ZSCAN5A: variants seen among roughly 807,000 people sequenced by gnomAD.
ZSCAN5A encodes the protein zinc finger and SCAN domain-containing protein 5A.
ZSCAN5A carries 12 observed loss-of-function variants against 23.7 expected under a neutral mutation model. The ratio of observed to expected loss-of-function variants is 0.51; its 90% CI spans 0.32 to 0.82. The LOEUF (loss-of-function observed/expected upper bound fraction) is 0.82, where lower values mean the gene tolerates loss of function less well. ZSCAN5A is among the 40% of genes least tolerant of loss of function. The probability of loss-of-function intolerance (pLI) is 0.03; values close to 1 mark genes in which losing one functional copy is unlikely to be tolerated. For synonymous variants in ZSCAN5A, 257 were observed against 239.9 expected, an observed-to-expected ratio of 1.07 and a Z score of -0.66; for missense variants, 597 against 617.9, an observed-to-expected ratio of 0.97 and a Z score of 0.36.
intron 2 of ZSCAN5A, chr19:56,246,629 T>A (rs910934032): frequency 1.4e-6 from 1 of 711,676 alleles, no homozygotes; most frequent in African/African-American, 1.8e-5. Flanking sequence ...AGGTTTAAGG[T>A]TGAGGGGAAG....
intron 2 of ZSCAN5A, among the ~76,000 whole-genome samples, chr19:56,346,366 A>G (rs2041633165): frequency 6.6e-6 from 1 of 152,126 alleles, no homozygotes; most frequent in African/African-American, 2.4e-5. Flanking sequence ...TCAGTTACTT[A>G]TCTAGGGATC....
At chr19:56,341,870 G>A (rs1600294354) in intron 2 of ZSCAN5A, among the ~76,000 whole-genome samples, 1 of 152,162 alleles carries the variant, frequency 6.6e-6, no homozygotes, top group South Asian at 2.1e-4. Context: ...AAAATGAGTT[G>A]AAGGAGAGTG....
At chr19:56,304,447 GGA>G (rs1464879382) in intron 2 of ZSCAN5A, among the ~76,000 whole-genome samples, 1 of 152,206 alleles carries the variant, frequency 6.6e-6, no homozygotes, top group Non-Finnish European at 1.5e-5. Flanking sequence ...CAGAGGCCAG[GGA>G]GGCCACTCAA....
rs2041676335 is a variant in ZSCAN5A at position 56,352,821 on chromosome 19, A to G, written c.-358+10414T>C. On this transcript the variant is annotated intron_variant, in intron 2 of 6. Coordinates refer to the ZSCAN5A transcript ENST00000587340. This position sits in a 1 kb window ranked among gnomAD's most constrained non-coding sequence, Gnocchi z 4.2. ...CAACACAGTTTCAACACAGATGTCC[A>G]AAGTCCAGGCCTAGTCAGGAAGAGG... is the stretch of plus-strand genomic sequence containing the variant. Among the ~76,000 whole-genome samples, 1 of 152,250 alleles carries G rather than the reference A, an allele frequency of 6.6e-6. No homozygotes were observed. The highest frequency in any genetic ancestry group is 1.5e-5 in the Non-Finnish European group (1 of 68,050).
intron 2 of ZSCAN5A, among the ~76,000 whole-genome samples, chr19:56,250,125 G>A (rs2036236475): frequency 6.6e-6 from 1 of 152,176 alleles, no homozygotes; most frequent in Non-Finnish European, 1.5e-5. Flanking sequence ...ATTTTGAAAG[G>A]TAAGGGCAGA....
At chr19:56,223,094 G>A (rs999307460) in intron 4 of ZSCAN5A, among the ~76,000 whole-genome samples, 1 of 152,116 alleles carries the variant, frequency 6.6e-6, no homozygotes, top group Admixed American at 6.5e-5. Flanking sequence ...ACTGGCATTG[G>A]GGCTGCATCA....
At chr19:56,346,040 CTA>C (rs1433744887) in intron 2 of ZSCAN5A, among the ~76,000 whole-genome samples, 4 of 151,604 alleles carry the variant, frequency 2.6e-5, no homozygotes, top group Non-Finnish European at 2.9e-5. Flanking sequence ...CTATGATAAA[CTA>C]TGTCACGTTC....
Position 56,224,963 on chromosome 19 carries a change from G to T in ZSCAN5A, c.84C>A (p.Ser28=). 1 of 1,614,218 alleles carries T rather than the reference G, an allele frequency of 6.2e-7. No homozygotes were observed. The highest frequency in any genetic ancestry group is 1.3e-5 in the African/African-American group (1 of 75,042). Residue 28 remains serine, a synonymous_variant, in exon 3 of 6, where the codon TCC becomes TCA. Coordinates refer to ENST00000683990, the MANE Select transcript of ZSCAN5A (RefSeq NM_001322064.3). ...PGLELPRSMA[S]SETQLGNHDV... is the part of the protein sequence containing the mutation. Reference sequence around the variant, plus strand: ...CGTGATTTCCAAGTTGAGTTTCTGAGGATGCCATAGACCGTGGCAGCTCCA... The same window carrying T: ...CGTGATTTCCAAGTTGAGTTTCTGATGATGCCATAGACCGTGGCAGCTCCA...
At chr19:56,236,962 A>G (rs2034982188) in intron 2 of ZSCAN5A, among the ~76,000 whole-genome samples, 1 of 152,150 alleles carries the variant, frequency 6.6e-6, no homozygotes, top group Non-Finnish European at 1.5e-5. Context: ...ACGGTGGGCC[A>G]AGTCTCCACG....
At chr19:56,244,637 T>C (rs182008929) in intron 2 of ZSCAN5A, among the ~76,000 whole-genome samples, 2 of 145,888 alleles carry the variant, frequency 1.4e-5, no homozygotes, top group African/African-American at 5.3e-5. Context: ...CATTCTCTAA[T>C]GCTCAGGACA....
chr19:56,328,833 CAA>C (rs372071221), intron 2 of ZSCAN5A, among the ~76,000 whole-genome samples: 24 of 140,008 alleles, frequency 1.7e-4, no homozygotes, highest in African/African-American at 6.3e-4. Flanking sequence ...ACTAAAAATA[CAA>C]AAAAAAAAAA....
At chr19:56,319,474 C>T (rs535159012), upstream of ZSCAN5A, among the ~76,000 whole-genome samples, 276 of 125,444 alleles carry the variant, frequency 2.2e-3, 1 homozygote, top group African/African-American at 8.2e-3. Context: ...CCAGCCTGGG[C>T]GACAGACCAA....
Position 56,305,528 on chromosome 19 carries a change from G to A in ZSCAN5A, c.-128+7755C>T, listed in dbSNP as rs146494413. On this transcript the variant is annotated intron_variant, in intron 2 of 5. Transcript: ENST00000683990. ...TCCCACCTTTTGACTGTTGTGAGTCGTGGTGCTATGAACAAGTTATGTTAG... is the reference window on the plus strand; with the variant it reads ...TCCCACCTTTTGACTGTTGTGAGTCATGGTGCTATGAACAAGTTATGTTAG... 2.1e-3 allele frequency among the ~76,000 whole-genome samples: 317 copies of A among 152,286 alleles called. 1 individual carries two copies. The highest frequency in any genetic ancestry group is 7.4e-3 in the African/African-American group (306 of 41,560).
At position 56,224,395 on chromosome 19, in the gene ZSCAN5A, C is replaced by T. The variant is rs528924668; in HGVS notation, c.384+268G>A. 4.8e-4 allele frequency: 251 copies of T among 518,114 alleles called. 1 individual carries two copies. Among genetic ancestry groups the T allele is most frequent in the African/African-American group, 4.5e-3 (235 of 51,790 alleles). The allele number at this position is 518,114 out of a possible 1,614,324, so 32.1% of individuals were successfully genotyped here. A position where few individuals can be genotyped will look rare whatever the true frequency, so the allele number is the denominator to read the frequency against. On this transcript the variant is annotated intron_variant, in intron 3 of 5. Coordinates refer to ENST00000683990, the MANE Select transcript of ZSCAN5A (RefSeq NM_001322064.3). ...TCCATCTCCTACACCAGGAACTTGC[C>T]GTCTCAGCACAGCTGATATTGGAAT...
At chr19:56,295,432 T>C (rs954766142) in intron 2 of ZSCAN5A, among the ~76,000 whole-genome samples, 8 of 151,906 alleles carry the variant, frequency 5.3e-5, no homozygotes, top group African/African-American at 1.9e-4. Flanking sequence ...CCGTTTCTAC[T>C]AAAAATACAA....
intron 2 of ZSCAN5A, among the ~76,000 whole-genome samples, chr19:56,331,456 G>T (rs2041487475): frequency 6.9e-6 from 1 of 144,956 alleles, no homozygotes; most frequent in Non-Finnish European, 1.5e-5. Context: ...ATTAATTTTT[G>T]TCATCTATTA....
At chr19:56,253,693 C>T (rs1029351015) in intron 2 of ZSCAN5A, among the ~76,000 whole-genome samples, 2 of 152,152 alleles carry the variant, frequency 1.3e-5, no homozygotes, top group African/African-American at 2.4e-5. Context: ...AGACGTTATC[C>T]GGTGTTACAG....
intron 2 of ZSCAN5A, among the ~76,000 whole-genome samples, chr19:56,353,113 G>A (rs933259207): frequency 1.3e-5 from 2 of 152,114 alleles, no homozygotes; most frequent in African/African-American, 4.8e-5. Flanking sequence ...GCTGAGAACC[G>A]CATGGATGAG....
intron 2 of ZSCAN5A, among the ~76,000 whole-genome samples, chr19:56,275,847 C>A (rs926375592): frequency 6.6e-6 from 1 of 152,158 alleles, no homozygotes; most frequent in African/African-American, 2.4e-5. Flanking sequence ...GGGCCAATGC[C>A]CAGAGCATGT....
Sources: gnomAD v4.1 joint callset for allele counts (sites outside exome capture counted in the v4.1 genomes callset) on GRCh38, gnomAD v4.1.1 for gene constraint, Gnocchi (gnomAD v3.1) non-coding constraint, MANE v1.5 for transcripts, NCBI Gene and HGNC (gene_info 2026-07-23, HGNC 2026-07-21) for gene names.